OSBPL2: variants seen among roughly 807,000 people sequenced by gnomAD.
OSBPL2 encodes the protein oxysterol-binding protein-related protein 2.
A neutral mutation model predicts 58.4 loss-of-function variants in OSBPL2; 18 were observed. The ratio of observed to expected loss-of-function variants is 0.31; its 90% CI spans 0.21 to 0.46. The LOEUF (loss-of-function observed/expected upper bound fraction) is 0.46, where lower values mean the gene tolerates loss of function less well. Ranked by LOEUF, OSBPL2 falls within the 20% of genes least tolerant of loss-of-function variation. The pLI is 1.00. For synonymous variants in OSBPL2, 221 were observed against 234.1 expected (o/e 0.94, Z 0.51); for missense variants, 461 against 616.5 (o/e 0.75, Z 2.67).
At chr20:62,240,699 C>A (rs6061461) in intron 1 of OSBPL2, among the ~76,000 whole-genome samples, 1 of 152,068 alleles carries the variant, frequency 6.6e-6, no homozygotes, top group African/African-American at 2.4e-5. Context: ...CTGCATTACT[C>A]TGTGTCAGAA....
chr20:62,280,945 C>G (rs1226055350), intron 7 of OSBPL2, 113 bp from the exon 8 acceptor site: 3 of 754,568 alleles, frequency 4.0e-6, no homozygotes, highest in Non-Finnish European at 7.2e-6. Flanking sequence ...GCGTGCTGCT[C>G]TCCCGCGGGT....
At chr20:62,263,968 G>A (rs1051617191) in intron 4 of OSBPL2, among the ~76,000 whole-genome samples, 3 of 151,676 alleles carry the variant, frequency 2.0e-5, no homozygotes, top group Non-Finnish European at 4.4e-5. Context: ...GGGAGGCTGA[G>A]GCAGGAGAAT....
intron 4 of OSBPL2, among the ~76,000 whole-genome samples, chr20:62,267,366 C>T (rs756665120): frequency 2.0e-4 from 31 of 152,188 alleles, no homozygotes; most frequent in Non-Finnish European, 4.3e-4. Flanking sequence ...TTCTGGATGT[C>T]TTCCAGTCCA....
rs140340002 is a variant in OSBPL2 at position 62,286,687 on chromosome 20, C to T, written c.1101C>T (p.Asn367=). Residue 367 remains asparagine, a synonymous_variant, in exon 11 of 14, where the codon AAC becomes AAT. Coordinates refer to ENST00000313733, the MANE Select transcript of OSBPL2 (RefSeq NM_144498.4). ...IPGSKLLWRI[N]TRPPNSAQMY... is the part of the protein sequence containing the mutation. ...GCAGCAAGCTGCTCTGGAGGATCAACACCCGGCCCCCCAACTCTGCCCAGG... is the reference window on the plus strand; with the variant it reads ...GCAGCAAGCTGCTCTGGAGGATCAATACCCGGCCCCCCAACTCTGCCCAGG... 2 of 1,613,066 alleles carry T rather than the reference C, an allele frequency of 1.2e-6. No individual in the cohort carries two copies. Among genetic ancestry groups the T allele is most frequent in the Non-Finnish European group, 1.7e-6 (2 of 1,179,558 alleles).
intron 2 of OSBPL2, among the ~76,000 whole-genome samples, chr20:62,258,492 C>A (rs1981082213): frequency 6.6e-6 from 1 of 152,198 alleles, no homozygotes; most frequent in East Asian, 1.9e-4. Flanking sequence ...GCTATGAACG[C>A]AGAGGGGCTA....
intron 10 of OSBPL2, chr20:62,286,071 G>A (rs1983098075): frequency 6.2e-6 from 1 of 161,522 alleles, no homozygotes; most frequent in Non-Finnish European, 1.4e-5. Context: ...AGCTGCTTTA[G>A]GGACTGGGGC....
chr20:62,268,193 G>A (rs982614784), intron 4 of OSBPL2, among the ~76,000 whole-genome samples: 4 of 151,880 alleles, frequency 2.6e-5, no homozygotes, highest in Admixed American at 6.6e-5. Context: ...CACCGCGCCC[G>A]GCCAAATGAC....
At chr20:62,250,693 G>A (rs780340205) in intron 1 of OSBPL2, among the ~76,000 whole-genome samples, 1 of 152,184 alleles carries the variant, frequency 6.6e-6, no homozygotes, top group Non-Finnish European at 1.5e-5. Flanking sequence ...GGCTGATTCG[G>A]GAGGATCACT....
chr20:62,291,937 C>CACCTGGGGACGGCGGGGAGG (rs1983550226), intron 13 of OSBPL2, 144 bp downstream of exon 13: 3 of 585,834 alleles, frequency 5.1e-6, no homozygotes. Context: ...CCTTCTCTCA[C>CACCTGGGGACGGCGGGGAGG]CCCCACACCC....
chr20:62,287,579 C>A (rs896172015), intron 11 of OSBPL2, among the ~76,000 whole-genome samples: 1 of 152,194 alleles, frequency 6.6e-6, no homozygotes, highest in Non-Finnish European at 1.5e-5. Flanking sequence ...ACCTCAGCCT[C>A]CCTAGTAGCG....
chr20:62,254,840 G>A (rs893242455), intron 1 of OSBPL2, among the ~76,000 whole-genome samples: 12 of 152,200 alleles, frequency 7.9e-5, no homozygotes, highest in African/African-American at 2.7e-4. Context: ...TAAGGTCGTT[G>A]TGAGAAAATG....
At chr20:62,245,287 T>C (rs879350598) in intron 1 of OSBPL2, among the ~76,000 whole-genome samples, 3 of 151,978 alleles carry the variant, frequency 2.0e-5, no homozygotes, top group African/African-American at 4.8e-5. Context: ...AGAGATGGGG[T>C]TTTGCCATGT....
intron 6 of OSBPL2, among the ~76,000 whole-genome samples, chr20:62,277,179 G>A (rs954327254): frequency 3.3e-5 from 5 of 152,188 alleles, no homozygotes; most frequent in Non-Finnish European, 5.9e-5. Flanking sequence ...TGAACCTGGA[G>A]GCGGAGGTTG....
intron 1 of OSBPL2, among the ~76,000 whole-genome samples, chr20:62,252,504 C>G (rs2145922954): frequency 6.6e-6 from 1 of 152,278 alleles, no homozygotes; most frequent in African/African-American, 2.4e-5. Flanking sequence ...CGGGCGCCTC[C>G]TTTTTCAATG....
chr20:62,267,334 C>G (rs1981746384), intron 4 of OSBPL2, among the ~76,000 whole-genome samples: 1 of 152,184 alleles, frequency 6.6e-6, no homozygotes, highest in African/African-American at 2.4e-5. Context: ...CATGATCACC[C>G]TTTATTGATT....
chr20:62,242,994 T>C (rs1002989003), intron 1 of OSBPL2, among the ~76,000 whole-genome samples: 1 of 152,164 alleles, frequency 6.6e-6, no homozygotes, highest in African/African-American at 2.4e-5. Context: ...TGAATAAACC[T>C]AAGGCTGATC....
rs139386621 is a variant in OSBPL2 at position 62,279,208 on chromosome 20, C to T, written c.543C>T (p.Pro181=). The part of the protein sequence containing the change: ...FISEQVSHHP[P]ISAFHSEGLN... ...CGGAACAGGTCAGTCACCACCCCCC[C>T]ATCAGTGCGTTCCACTCGGAAGGTC... Residue 181 remains proline (P), a synonymous_variant, in exon 7 of 14, where the codon CCC becomes CCT. Coordinates refer to ENST00000313733, the MANE Select transcript of OSBPL2 (RefSeq NM_144498.4). 14 of 1,614,064 alleles carry T rather than the reference C, an allele frequency of 8.7e-6. No individual in the cohort carries two copies. The highest frequency in any genetic ancestry group is 3.3e-5 in the South Asian group (3 of 91,092).
intron 4 of OSBPL2, among the ~76,000 whole-genome samples, chr20:62,270,200 C>T (rs1179733331): frequency 1.3e-5 from 2 of 152,202 alleles, no homozygotes; most frequent in African/African-American, 2.4e-5. Context: ...CTGGTGCAGA[C>T]GAGGAGCCTG....
In OSBPL2 at chr20:62,286,645, C is replaced by G; in HGVS notation, c.1059C>G (p.Thr353=). 1 of 1,613,752 alleles carries G rather than the reference C, an allele frequency of 6.2e-7. No individual in the cohort carries two copies. The highest frequency in any genetic ancestry group is 1.1e-5 in the South Asian group (1 of 91,090). ...VADDVPVAQE[T]VQVIPGSKLL... The stretch of plus-strand genomic sequence containing the variant: ...ACGACGTGCCTGTGGCCCAGGAGAC[C>G]GTGCAGGTCATTCCTGGCAGCAAGC... The change falls in exon 11 of 14, where the codon ACC becomes ACG. Residue 353 remains threonine, a synonymous_variant. Transcript: ENST00000313733.
Sources: allele counts gnomAD v4.1 joint callset (sites outside exome capture counted in the v4.1 genomes callset), GRCh38; gene constraint gnomAD v4.1.1; transcripts MANE v1.5; gene names NCBI Gene and HGNC (gene_info 2026-07-23, HGNC 2026-07-21).